NEDD9: variants seen among roughly 807,000 people sequenced by gnomAD.
NEDD9 encodes neural precursor cell expressed, developmentally down-regulated 9.
Under a neutral mutation model 76.6 loss-of-function variants are expected in NEDD9, and 26 were observed. The ratio of observed to expected loss-of-function variants is 0.34; its 90% CI spans 0.25 to 0.47. The LOEUF (loss-of-function observed/expected upper bound fraction) is 0.47. Ranked by LOEUF, NEDD9 falls within the 20% of genes least tolerant of loss-of-function variation. The probability of loss-of-function intolerance (pLI) is 1.00; values close to 1 mark genes in which losing one functional copy is unlikely to be tolerated. For missense variants in NEDD9, 937 were observed against 1,058.5 expected (o/e 0.89, Z 1.59); for synonymous variants, 392 against 414.2 (o/e 0.95, Z 0.65).
At chr6:11,208,893 A>G (rs879271052) in intron 2 of NEDD9, among the ~76,000 whole-genome samples, 10 of 152,184 alleles carry the variant, frequency 6.6e-5, no homozygotes, top group Non-Finnish European at 1.5e-4. Flanking sequence ...GATTTCATTT[A>G]CCCCAAACCA....
At chr6:11,349,090 C>T (rs541311413) in intron 1 of NEDD9, among the ~76,000 whole-genome samples, 5 of 152,092 alleles carry the variant, frequency 3.3e-5, no homozygotes, top group Non-Finnish European at 4.4e-5. Context: ...AAAAACAACG[C>T]CATTAAAAAT....
upstream of NEDD9, among the ~76,000 whole-genome samples, chr6:11,233,785 C>T (rs1291327897): frequency 6.6e-6 from 1 of 152,106 alleles, no homozygotes; most frequent in African/African-American, 2.4e-5. Context: ...TCCTTTTTCC[C>T]GGGCAAGACT....
intron 2 of NEDD9, among the ~76,000 whole-genome samples, chr6:11,311,136 C>T (rs915924600): frequency 3.1e-4 from 47 of 152,250 alleles, no homozygotes; most frequent in Non-Finnish European, 5.4e-4. Context: ...TCAGCTCACA[C>T]GGCCTTCATC....
intron 1 of NEDD9, among the ~76,000 whole-genome samples, chr6:11,355,860 A>C (rs1222085409): frequency 6.6e-6 from 1 of 152,038 alleles, no homozygotes. Flanking sequence ...AGCTGGGACT[A>C]CAGGCACCCG....
chr6:11,191,527 C>A (rs994786929), intron 4 of NEDD9, among the ~76,000 whole-genome samples: 1 of 152,134 alleles, frequency 6.6e-6, no homozygotes, highest in Non-Finnish European at 1.5e-5. Flanking sequence ...AGAGTAAGAC[C>A]AGAGTTCTCC....
intron 3 of NEDD9, among the ~76,000 whole-genome samples, chr6:11,282,836 C>T (rs377505928): frequency 1.3e-5 from 2 of 152,166 alleles, no homozygotes; most frequent in East Asian, 1.9e-4. Flanking sequence ...CTAGGTATAT[C>T]GGCCCAAGTG....
intron 3 of NEDD9, among the ~76,000 whole-genome samples, chr6:11,256,701 C>T (rs1317967061): frequency 2.0e-5 from 3 of 152,100 alleles, no homozygotes; most frequent in Admixed American, 6.5e-5. Context: ...TGGCCTCAAG[C>T]GATTCTCCTG....
chr6:11,233,596 A>C (rs954359051), upstream of NEDD9: 5 of 500,462 alleles, frequency 1.0e-5, no homozygotes, highest in Non-Finnish European at 2.0e-5. Flanking sequence ...AGGAGAACGA[A>C]AATGCCCACT....
At chr6:11,326,204 C>T (rs898210050) in intron 2 of NEDD9, among the ~76,000 whole-genome samples, 2 of 151,764 alleles carry the variant, frequency 1.3e-5, no homozygotes, top group Non-Finnish European at 2.9e-5. Flanking sequence ...CTCCCAAGTC[C>T]GCTGGACTTT....
chr6:11,241,268 C>T lies in NEDD9; in HGVS notation c.13-27541G>A, dbSNP rs780138214. Among the ~76,000 whole-genome samples, 1 of 152,180 alleles carries T rather than the reference C, an allele frequency of 6.6e-6. No individual in the cohort carries two copies. The highest frequency in any genetic ancestry group is 2.4e-5 in the African/African-American group (1 of 41,424). On this transcript the variant is annotated intron_variant, in intron 3 of 3. Coordinates refer to the NEDD9 transcript ENST00000397378. The surrounding 1 kb of genome is among the most constrained non-coding windows in gnomAD (Gnocchi z 4.0). ...GGCATCAGGTCTTCTTCTTGCTAAC[C>T]TTTGTGCTTCCTCTATATGTTCTTA... is the stretch of plus-strand genomic sequence containing the variant.
chr6:11,376,037 G>C (rs1197851903), intron 1 of NEDD9, among the ~76,000 whole-genome samples: 2 of 152,150 alleles, frequency 1.3e-5, no homozygotes, highest in Admixed American at 1.3e-4. Flanking sequence ...TGTTAGCCAG[G>C]GTGGTCTCGA....
intron 2 of NEDD9, among the ~76,000 whole-genome samples, chr6:11,328,207 C>T (rs897606822): frequency 6.6e-5 from 10 of 152,164 alleles, no homozygotes; most frequent in Admixed American, 5.9e-4. Flanking sequence ...GTGACAATGA[C>T]CAGAGGAGGA....
At chr6:11,364,153 G>T (rs542933006) in intron 1 of NEDD9, among the ~76,000 whole-genome samples, 2 of 152,318 alleles carry the variant, frequency 1.3e-5, no homozygotes, top group East Asian at 3.9e-4. Context: ...CAGACAGAGG[G>T]TGTCTAAGTG....
At chr6:11,306,621 C>T (rs1425147944) in intron 2 of NEDD9, among the ~76,000 whole-genome samples, 1 of 152,108 alleles carries the variant, frequency 6.6e-6, no homozygotes, top group Non-Finnish European at 1.5e-5. Flanking sequence ...TTGTTTTCTA[C>T]TCTCCCATCC....
intron 1 of NEDD9, among the ~76,000 whole-genome samples, chr6:11,368,861 TCCC>T (rs1762812390): frequency 6.6e-6 from 1 of 152,192 alleles, no homozygotes; most frequent in Non-Finnish European, 1.5e-5. Flanking sequence ...CTCCTCTTCC[TCCC>T]ACTAGCTAAT....
intron 3 of NEDD9, among the ~76,000 whole-genome samples, chr6:11,290,925 A>G (rs1760748623): frequency 6.6e-6 from 1 of 152,160 alleles, no homozygotes; most frequent in Non-Finnish European, 1.5e-5. Context: ...GCTAGACGGT[A>G]GAGTGCCAGT....
chr6:11,189,063 C>T lies in NEDD9; in HGVS notation c.1906-756G>A, dbSNP rs148254645. On this transcript the variant is annotated intron_variant, in intron 5 of 6. Coordinates refer to ENST00000379446, the MANE Select transcript of NEDD9 (RefSeq NM_006403.4). ...CCAGGTTCAAGTGATTCTTCTGCCT[C>T]GGCCTCCCAAGTAGCTGGGACTACA... Among the ~76,000 whole-genome samples the T allele has an allele frequency of 6.1e-3, 929 of 152,026 alleles. 7 individuals carry two copies. Among genetic ancestry groups the T allele is most frequent in the African/African-American group, 0.02 (828 of 41,430 alleles).
At chr6:11,299,418 G>C (rs1760983567) in intron 3 of NEDD9, among the ~76,000 whole-genome samples, 1 of 152,210 alleles carries the variant, frequency 6.6e-6, no homozygotes, top group Non-Finnish European at 1.5e-5. Context: ...TCCACCTCTG[G>C]GGTCAGGGCA....
chr6:11,214,809 T>C (rs1758900395), intron 1 of NEDD9, among the ~76,000 whole-genome samples: 2 of 152,230 alleles, frequency 1.3e-5, no homozygotes, highest in African/African-American at 4.8e-5. Flanking sequence ...AAGTGAACTC[T>C]AATGCTTTGT....
Sources: gnomAD v4.1 joint callset for allele counts (sites outside exome capture counted in the v4.1 genomes callset) on GRCh38, gnomAD v4.1.1 for gene constraint, Gnocchi (gnomAD v3.1) non-coding constraint, MANE v1.5 for transcripts, NCBI Gene and HGNC (gene_info 2026-07-23, HGNC 2026-07-21) for gene names.